NXPE4: variants seen among roughly 807,000 people sequenced by gnomAD.
The protein encoded by NXPE4 is neurexophilin and PC-esterase domain family member 4.
A neutral mutation model predicts 33.3 loss-of-function variants in NXPE4; 42 were observed. The ratio of observed to expected loss-of-function variants is 1.26; its 90% CI spans 0.98 to 1.63. NXPE4 has a LOEUF of 1.63. NXPE4 is among the 40% of genes most tolerant of loss of function. The pLI is 0.00. For synonymous variants in NXPE4, 253 were observed against 234.9 expected (o/e 1.08, Z -0.71); for missense variants, 709 against 647.6 (o/e 1.09, Z -1.03).
At position 114,580,229 on chromosome 11, in the gene NXPE4, T is replaced by C; in HGVS notation, c.1002A>G (p.Thr334=). Residue 334 remains threonine, a synonymous_variant, in exon 5 of 6, where the codon ACA becomes ACG. Coordinates refer to ENST00000375478, the MANE Select transcript of NXPE4 (RefSeq NM_001077639.2). ...CTCTCAGGCATTCCTTCATTTTGAC[T>C]GTAGCCAAACTACAGGAGACAGGAT... ...TWNPVSCSLA[T]VKMKECLRGK... 1 of 1,614,064 alleles carries C rather than the reference T, an allele frequency of 6.2e-7. No individual in the cohort carries two copies. Among genetic ancestry groups the C allele is most frequent in the Non-Finnish European group, 8.5e-7 (1 of 1,179,928 alleles).
the NXPE4 span, among the ~76,000 whole-genome samples, chr11:114,622,571 A>T: frequency 1.3e-5 from 2 of 152,070 alleles, no homozygotes; most frequent in Non-Finnish European, 2.9e-5. Flanking sequence ...GTGGGTAACC[A>T]CTGCTACCCG....
At chr11:114,661,247 C>A in the NXPE4 span, among the ~76,000 whole-genome samples, 1 of 152,056 alleles carries the variant, frequency 6.6e-6, no homozygotes, top group Non-Finnish European at 1.5e-5. Context: ...AAATCAACAA[C>A]TTGATTTTAA....
the NXPE4 span, among the ~76,000 whole-genome samples, chr11:114,672,644 A>C: frequency 6.6e-6 from 1 of 151,920 alleles, no homozygotes; most frequent in Non-Finnish European, 1.5e-5. Flanking sequence ...GTATCATTCA[A>C]ACAGCAATAA....
At chr11:114,607,306 C>T in the NXPE4 span, among the ~76,000 whole-genome samples, 3 of 151,866 alleles carry the variant, frequency 2.0e-5, no homozygotes, top group African/African-American at 7.2e-5. Flanking sequence ...AGTATTGCCT[C>T]GTGGGTCACC....
chr11:114,637,419 T>C, the NXPE4 span, among the ~76,000 whole-genome samples: 3 of 152,100 alleles, frequency 2.0e-5, no homozygotes, highest in Non-Finnish European at 4.4e-5. Flanking sequence ...CTTTATCCAA[T>C]TTGCCAGTCT....
chr11:114,598,467 G>T (rs1001123852), upstream of NXPE4, among the ~76,000 whole-genome samples: 10 of 152,336 alleles, frequency 6.6e-5, no homozygotes, highest in Non-Finnish European at 1.5e-4. Flanking sequence ...CCTAGTAGAG[G>T]TTATCTAGAG....
the NXPE4 span, among the ~76,000 whole-genome samples, chr11:114,632,602 T>A: frequency 9.5e-6 from 1 of 105,014 alleles, no homozygotes; most frequent in Non-Finnish European, 1.7e-5. Context: ...TTGATGTATA[T>A]ATTTATATTT....
chr11:114,625,778 T>C, the NXPE4 span, among the ~76,000 whole-genome samples: 6 of 152,020 alleles, frequency 3.9e-5, no homozygotes, highest in Non-Finnish European at 8.8e-5. Context: ...TTCATCTCAT[T>C]AGGGAGTGCC....
chr11:114,600,642 T>A (rs1949626597), upstream of NXPE4, among the ~76,000 whole-genome samples: 1 of 152,072 alleles, frequency 6.6e-6, no homozygotes, highest in Admixed American at 6.6e-5. Flanking sequence ...ACATGATGAC[T>A]AAATGCAATT....
chr11:114,572,801 C>T (rs965474207), intron 5 of NXPE4, among the ~76,000 whole-genome samples: 8 of 152,064 alleles, frequency 5.3e-5, no homozygotes, highest in Admixed American at 2.0e-4. Context: ...AGGGACTAAT[C>T]GAAGAAAATT....
the NXPE4 span, among the ~76,000 whole-genome samples, chr11:114,633,366 A>G: frequency 7.1e-6 from 1 of 140,378 alleles, no homozygotes; most frequent in Admixed American, 7.3e-5. Context: ...TATATACTAT[A>G]TAATATATTA....
the NXPE4 span, among the ~76,000 whole-genome samples, chr11:114,674,090 A>AAC: frequency 4.7e-3 from 624 of 131,888 alleles, 5 homozygotes; most frequent in South Asian, 6.2e-3. Context: ...ACATTGTTTA[A>AAC]AAACAAACAA....
the NXPE4 span, among the ~76,000 whole-genome samples, chr11:114,669,008 A>G: frequency 4.8e-4 from 73 of 152,216 alleles, 1 homozygote; most frequent in South Asian, 0.013. Context: ...AGTGGTAGCC[A>G]TGAGGAATGG....
chr11:114,652,588 G>T, the NXPE4 span, among the ~76,000 whole-genome samples: 1 of 152,166 alleles, frequency 6.6e-6, no homozygotes, highest in African/African-American at 2.4e-5. Flanking sequence ...AGTGTTGCTC[G>T]ACATATGTTA....
chr11:114,614,949 T>G, the NXPE4 span, among the ~76,000 whole-genome samples: 188 of 152,086 alleles, frequency 1.2e-3, no homozygotes, highest in African/African-American at 4.3e-3. Flanking sequence ...GGGTTACCAC[T>G]GTTACCTGGT....
chr11:114,603,447 C>A, the NXPE4 span, among the ~76,000 whole-genome samples: 1 of 151,226 alleles, frequency 6.6e-6, no homozygotes, highest in African/African-American at 2.4e-5. Context: ...TAGGTAAATT[C>A]CATTACCTGG....
the NXPE4 span, among the ~76,000 whole-genome samples, chr11:114,649,308 A>G: frequency 6.6e-6 from 1 of 152,214 alleles, no homozygotes; most frequent in Non-Finnish European, 1.5e-5. Context: ...CATTATTCTT[A>G]GTAGCAAAAA....
the NXPE4 span, among the ~76,000 whole-genome samples, chr11:114,627,258 G>A: frequency 6.6e-6 from 1 of 151,914 alleles, no homozygotes; most frequent in Non-Finnish European, 1.5e-5. Context: ...AATGTTAAAG[G>A]CAGCCAGAGA....
the NXPE4 span, among the ~76,000 whole-genome samples, chr11:114,625,033 G>C: frequency 0.18 from 27,258 of 151,958 alleles, 2,798 homozygotes; most frequent in Non-Finnish European, 0.22. Flanking sequence ...GTTGCCTCGG[G>C]GGTAAACACT....
Sources: gnomAD v4.1 joint callset for allele counts (sites outside exome capture counted in the v4.1 genomes callset) on GRCh38, gnomAD v4.1.1 for gene constraint, MANE v1.5 for transcripts, NCBI Gene and HGNC (gene_info 2026-07-23, HGNC 2026-07-21) for gene names.